METTL3: variants seen among roughly 807,000 people sequenced by gnomAD.
The protein encoded by METTL3 is N(6)-adenosine-methyltransferase catalytic subunit METTL3.
Under a neutral mutation model 64.3 loss-of-function variants are expected in METTL3, and 42 were observed. The ratio of observed to expected loss-of-function variants is 0.65; its 90% CI spans 0.51 to 0.84. The LOEUF is 0.84. METTL3 is among the 40% of genes least tolerant of loss of function. The pLI, the probability that METTL3 is intolerant of heterozygous loss-of-function variation, is 0.00. For missense variants in METTL3, 435 were observed against 722.3 expected, an observed-to-expected ratio of 0.60 and a Z score of 4.56; for synonymous variants, 256 against 263.6, an observed-to-expected ratio of 0.97 and a Z score of 0.28.
Position 21,511,299 on chromosome 14 carries a change from A to G in METTL3, c.-76T>C. Reference sequence around the variant, plus strand: ...CCTCCCAGCACTCGCTCCAGGATATAGCCAATTCTCACGCGGACACCCCGA... The same window carrying G: ...CCTCCCAGCACTCGCTCCAGGATATGGCCAATTCTCACGCGGACACCCCGA... On this transcript the variant is annotated 5_prime_UTR_variant, in exon 1 of 11. Coordinates refer to ENST00000298717, the MANE Select transcript of METTL3 (RefSeq NM_019852.5). 3 of 1,527,876 alleles carry G rather than the reference A, an allele frequency of 2.0e-6. No homozygotes were observed. Among genetic ancestry groups the G allele is most frequent in the Non-Finnish European group, 2.6e-6 (3 of 1,134,510 alleles). The allele number at this position is 1,527,876 out of a possible 1,614,324, so 94.6% of individuals were successfully genotyped here. A position where few individuals can be genotyped will look rare whatever the true frequency, so the allele number is the denominator to read the frequency against.
At chr14:21,507,942 A>T (rs1380601791) in intron 1 of METTL3, 1 of 152,186 alleles carries the variant, frequency 6.6e-6, no homozygotes, top group African/African-American at 2.4e-5. Flanking sequence ...GATACATTTA[A>T]TTACAACCCC....
Position 21,498,375 on chromosome 14 carries a change from A to G in METTL3, c.1632-6T>C. On this transcript the variant is annotated splice_region_variant and splice_polypyrimidine_tract_variant and intron_variant, in intron 10 of 10. Transcript: ENST00000298717. ...GTTGGTTTCCAAGGGTGATCCTGAA[A>G]CAGTGTAAAAGGAGGGGCAAACCAG... 6.2e-7 allele frequency: 1 copy of G among 1,614,116 alleles called. No homozygotes were observed. The highest frequency in any genetic ancestry group is 8.5e-7 in the Non-Finnish European group (1 of 1,180,006).
intron 10 of METTL3, 60 bp from the exon 11 acceptor site, chr14:21,498,429 G>T (rs886808149): frequency 6.6e-7 from 1 of 1,507,008 alleles, no homozygotes; most frequent in Admixed American, 1.8e-5. Context: ...GTTTAATATT[G>T]TTAAAAAATG....
chr14:21,507,208 T>TA (rs1014175365), intron 1 of METTL3, among the ~76,000 whole-genome samples: 8 of 151,840 alleles, frequency 5.3e-5, no homozygotes, highest in African/African-American at 1.9e-4. Context: ...AATAAATAAA[T>TA]AATAAAAATG....
At position 21,501,909 on chromosome 14, in the gene METTL3, A is replaced by G; in HGVS notation, c.724-6T>C. 1 of 1,613,782 alleles carries G rather than the reference A, an allele frequency of 6.2e-7. No individual in the cohort carries two copies. The highest frequency in any genetic ancestry group is 8.5e-7 in the Non-Finnish European group (1 of 1,179,746). On this transcript the variant is annotated splice_region_variant and splice_polypyrimidine_tract_variant and intron_variant, in intron 3 of 10. Coordinates refer to ENST00000298717, the MANE Select transcript of METTL3 (RefSeq NM_019852.5). ...TCTAGGATCTCCTGACTGACCTGTG[A>G]CAGAAGTAGCCTTGGACTTAAAATG...
At chr14:21,498,653 C>A in intron 10 of METTL3, 1 of 499,824 alleles carries the variant, frequency 2.0e-6, no homozygotes. Flanking sequence ...TTTGGATAAG[C>A]AAAATGCTAG....
At chr14:21,508,967 T>C (rs1229772767) in intron 1 of METTL3, among the ~76,000 whole-genome samples, 1 of 152,164 alleles carries the variant, frequency 6.6e-6, no homozygotes, top group Admixed American at 6.5e-5. Context: ...AGATAGAGGA[T>C]GGCCTGTCAC....
intron 1 of METTL3, chr14:21,510,589 G>C (rs1054597242): frequency 6.6e-6 from 1 of 152,218 alleles, no homozygotes; most frequent in African/African-American, 2.4e-5. Flanking sequence ...ATTCCTGCTA[G>C]GTATGTAAAT....
chr14:21,508,825 C>G (rs1042367137), intron 1 of METTL3, among the ~76,000 whole-genome samples: 2 of 152,090 alleles, frequency 1.3e-5, no homozygotes, highest in Non-Finnish European at 2.9e-5. Context: ...ACCTGGGAGG[C>G]GGAGGTTGCG....
At chr14:21,499,283 T>G (rs1891495318) in intron 9 of METTL3, 23 bp downstream of exon 9, 10 of 1,613,832 alleles carry the variant, frequency 6.2e-6, no homozygotes, top group Non-Finnish European at 8.5e-6. Flanking sequence ...TGTGGAAGCT[T>G]TGGAGGCCTG....
rs1891830384 is a variant in METTL3, at chr14:21,511,240, T to G, written c.-17A>C. ...GTCCGACATCCTAGTCTCCCAGCCCTGACACCTCTCGAATAAGGCGCGGCG... is the reference window on the plus strand; with the variant it reads ...GTCCGACATCCTAGTCTCCCAGCCCGGACACCTCTCGAATAAGGCGCGGCG... On this transcript the variant is annotated 5_prime_UTR_variant, in exon 1 of 11. Coordinates refer to ENST00000298717, the MANE Select transcript of METTL3 (RefSeq NM_019852.5). 1 of 1,611,112 alleles carries G rather than the reference T, an allele frequency of 6.2e-7. No homozygotes were observed. The highest frequency in any genetic ancestry group is 8.5e-7 in the Non-Finnish European group (1 of 1,178,812).
chr14:21,502,226 G>A (rs184034916), intron 3 of METTL3, among the ~76,000 whole-genome samples: 386 of 152,142 alleles, frequency 2.5e-3, no homozygotes, highest in Non-Finnish European at 4.0e-3. Flanking sequence ...TAGGGTCTAT[G>A]TTGCCCAGGC....
chr14:21,499,172 A>G (rs780190354), intron 9 of METTL3, 35 bp from the exon 10 acceptor site: 11 of 1,592,380 alleles, frequency 6.9e-6, no homozygotes, highest in Non-Finnish European at 8.6e-6. Flanking sequence ...TTTAAGTTAC[A>G]CAAGATTGCA....
rs1891498269 is a variant in METTL3, at chr14:21,499,381, A to G, written c.1453-10T>C. ...TTCCTTTGACACCAACCTGCTCACC[A>G]CAGATAACAGATTACCTTATGAAAC... is the stretch of plus-strand genomic sequence containing the variant. On this transcript the variant is annotated splice_polypyrimidine_tract_variant and intron_variant, in intron 8 of 10. Coordinates refer to ENST00000298717, the MANE Select transcript of METTL3 (RefSeq NM_019852.5). 3 of 1,614,050 alleles carry G rather than the reference A, an allele frequency of 1.9e-6. No homozygotes were observed. In the African/African-American group the frequency reaches 4.0e-5, roughly 22 times the overall value.
At chr14:21,509,780 G>GA (rs1481412928) in intron 1 of METTL3, among the ~76,000 whole-genome samples, 2 of 151,890 alleles carry the variant, frequency 1.3e-5, no homozygotes, top group Non-Finnish European at 2.9e-5. Flanking sequence ...AAGAATAGGG[G>GA]AAAAAACATA....
At chr14:21,511,017 T>C in intron 1 of METTL3, 107 bp downstream of exon 1, 1 of 1,320,094 alleles carries the variant, frequency 7.6e-7, no homozygotes, top group Middle Eastern at 1.9e-4. Flanking sequence ...TACGAGGCTT[T>C]ATAGAAATGG....
In METTL3 at chr14:21,511,274, C is replaced by A. The variant is rs1327595231; in HGVS notation, c.-51G>T. The A allele has an allele frequency of 2.5e-6, 4 of 1,581,072 alleles. No homozygotes were observed. The East Asian group carries it at 7.0e-5, about 28-fold the overall frequency. The stretch of plus-strand genomic sequence containing the variant: ...TCGAATAAGGCGCGGCGGACTAGCA[C>A]CTCCCAGCACTCGCTCCAGGATATA... On this transcript the variant is annotated 5_prime_UTR_variant, in exon 1 of 11. Transcript: ENST00000298717.
intron 10 of METTL3, 62 bp downstream of exon 10, chr14:21,498,963 G>A: frequency 8.7e-7 from 1 of 1,151,160 alleles, no homozygotes; most frequent in Non-Finnish European, 1.3e-6. Context: ...GCTCTACTAA[G>A]TTCTGTCCTT....
chr14:21,504,744 A>G (rs1891655919), intron 1 of METTL3: 1 of 151,750 alleles, frequency 6.6e-6, no homozygotes, highest in Non-Finnish European at 1.5e-5. Context: ...CAGCCTGGCC[A>G]ACATGGTGAA....
Sources: gnomAD v4.1 joint callset for allele counts (sites outside exome capture counted in the v4.1 genomes callset) on GRCh38, gnomAD v4.1.1 for gene constraint, MANE v1.5 for transcripts, NCBI Gene and HGNC (gene_info 2026-07-23, HGNC 2026-07-21) for gene names.